The following CIITA variants were observed in gnomAD, a reference collection of about 807,000 sequenced individuals.
CIITA encodes the protein MHC class II transactivator.
Under a neutral mutation model 115.1 loss-of-function variants are expected in CIITA, and 72 were observed. That is an observed-to-expected ratio of 0.63 (90% confidence interval 0.52 to 0.76). CIITA has a LOEUF of 0.76. Among genes scored for constraint, CIITA ranks in the 30% least tolerant of loss-of-function variants. CIITA has a pLI of 0.00. For missense variants in CIITA, 1,617 were observed against 1,463.8 expected (o/e 1.10, Z -1.71); for synonymous variants, 763 against 635.6 (o/e 1.20, Z -3.02).
intron 1 of CIITA, among the ~76,000 whole-genome samples, chr16:10,887,537 C>T (rs190472214): frequency 5.7e-4 from 86 of 151,662 alleles, no homozygotes; most frequent in Middle Eastern, 3.4e-3. Flanking sequence ...GCTCTGTCAC[C>T]GAGGCTGGAG....
At chr16:10,874,063 C>A (rs1035841895), upstream of CIITA, among the ~76,000 whole-genome samples, 6 of 151,242 alleles carry the variant, frequency 4.0e-5, no homozygotes, top group African/African-American at 1.5e-4. Flanking sequence ...TCACTTGCAA[C>A]CTCCACCTCC....
At chr16:10,902,212 G>C in intron 7 of CIITA, 28 bp downstream of exon 7, 1 of 1,613,606 alleles carries the variant, frequency 6.2e-7, no homozygotes. Flanking sequence ...GAGAGAGTGG[G>C]CTTTCTCCCT....
Position 10,902,064 on chromosome 16 carries a change from A to G in CIITA, c.508A>G (p.Ser170Gly), listed in dbSNP as rs1252150200. The part of the protein sequence containing the change: ...PAEPPTVVTG[S>G]LLVGPVSDCS... ...TGAGCCCCCCACTGTGGTGACTGGC[A>G]GTCTCCTAGTGGGACCAGTGAGCGA... The change falls in exon 7 of 20, where the codon AGT (serine) becomes GGT (glycine). Residue 170 changes from serine (S) to glycine (G), a missense_variant. Ser to Gly is a moderately conservative substitution (Grantham distance 56). Coordinates refer to ENST00000324288, the MANE Select transcript of CIITA (RefSeq NM_000246.4). 7 of 1,614,024 alleles carry G rather than the reference A, an allele frequency of 4.3e-6. No homozygotes were observed. Among genetic ancestry groups the G allele is most frequent in the Non-Finnish European group, 8.5e-7 (1 of 1,180,036 alleles).
chr16:10,917,202 G>T (rs188161447), intron 15 of CIITA, among the ~76,000 whole-genome samples: 93 of 152,262 alleles, frequency 6.1e-4, no homozygotes, highest in African/African-American at 2.1e-3. Context: ...TTCAGACAAG[G>T]TCTCGCTCTG....
chr16:10,923,045 G>A lies in CIITA; in HGVS notation c.3318-183G>A. 4.8e-6 allele frequency: 3 copies of A among 628,332 alleles called. No homozygotes were observed. Among genetic ancestry groups the A allele is most frequent in the Non-Finnish European group, 8.6e-6 (3 of 350,624 alleles). 38.9% of individuals were successfully genotyped at this position (628,332 alleles called of 1,614,324 possible). On this transcript the variant is annotated intron_variant, in intron 18 of 19. Coordinates refer to ENST00000324288, the MANE Select transcript of CIITA (RefSeq NM_000246.4). This position sits in a 1 kb window ranked among gnomAD's most constrained non-coding sequence, Gnocchi z 5.2. Reference sequence around the variant, plus strand: ...AGCAAGTCAGCTGCAGAACCATAAAGGAATCTCGGGCCTCCTAGGCTTCTC... The same window carrying A: ...AGCAAGTCAGCTGCAGAACCATAAAAGAATCTCGGGCCTCCTAGGCTTCTC...
At chr16:10,902,967 C>A (rs1252848609) in intron 8 of CIITA, among the ~76,000 whole-genome samples, 166 bp downstream of exon 8, 1 of 152,232 alleles carries the variant, frequency 6.6e-6, no homozygotes, top group Admixed American at 6.5e-5. Flanking sequence ...AAAATCAAAG[C>A]AGAAGAGCAG....
chr16:10,901,641 C>A lies in CIITA; in HGVS notation c.481+83C>A. 1 of 1,416,770 alleles carries A rather than the reference C, an allele frequency of 7.1e-7. No homozygotes were observed. The highest frequency in any genetic ancestry group is 9.8e-7 in the Non-Finnish European group (1 of 1,018,032). 87.8% of individuals were successfully genotyped at this position (1,416,770 alleles called of 1,614,324 possible). A position where few individuals can be genotyped will look rare whatever the true frequency, so the allele number is the denominator to read the frequency against. ...AAGAGATTGAACTCCTGGCCCAAGT[C>A]TGATGGGGATGGTGCATGGTGCAGC... On this transcript the variant is annotated intron_variant, in intron 6 of 19. Coordinates refer to ENST00000324288, the MANE Select transcript of CIITA (RefSeq NM_000246.4). This position sits in a 1 kb window ranked among gnomAD's most constrained non-coding sequence, Gnocchi z 6.8.
intron 1 of CIITA, among the ~76,000 whole-genome samples, chr16:10,891,542 T>C (rs2144104287): frequency 6.6e-6 from 1 of 152,290 alleles, no homozygotes; most frequent in African/African-American, 2.4e-5. Flanking sequence ...CACAACTCAT[T>C]CACGGAGTTG....
chr16:10,880,318 G>C (rs2036292860), intron 1 of CIITA, among the ~76,000 whole-genome samples: 1 of 152,162 alleles, frequency 6.6e-6, no homozygotes, highest in Non-Finnish European at 1.5e-5. Context: ...GTGAGGCTGA[G>C]ATCCTGCAGG....
Position 10,907,259 on chromosome 16 carries a change from G to A in CIITA, c.1767G>A (p.Glu589=), listed in dbSNP as rs2039234007. Residue 589 remains glutamate, a synonymous_variant, in exon 11 of 20, where the codon GAG becomes GAA. Coordinates refer to ENST00000324288, the MANE Select transcript of CIITA (RefSeq NM_000246.4). This position sits in a 1 kb window ranked among gnomAD's most constrained non-coding sequence, Gnocchi z 5.0. The part of the protein sequence containing the change: ...MRYFESSGMT[E]HQDRALTLLR... ...ACTTTGAGAGCTCAGGGATGACAGA[G>A]CACCAAGACAGAGCCCTGACGCTCC... 6.2e-7 allele frequency: 1 copy of A among 1,613,428 alleles called. No individual in the cohort carries two copies. Among genetic ancestry groups the A allele is most frequent in the Non-Finnish European group, 8.5e-7 (1 of 1,180,022 alleles).
rs1411797810 is a variant in CIITA, at chr16:10,901,685, A to C, written c.481+127A>C. 1 of 1,039,968 alleles carries C rather than the reference A, an allele frequency of 9.6e-7. No homozygotes were observed. The highest frequency in any genetic ancestry group is 1.6e-5 in the African/African-American group (1 of 63,068). 64.4% of individuals were successfully genotyped at this position (1,039,968 alleles called of 1,614,324 possible). A position where few individuals can be genotyped will look rare whatever the true frequency, so the allele number is the denominator to read the frequency against. On this transcript the variant is annotated intron_variant, in intron 6 of 19. Transcript: ENST00000324288. The surrounding 1 kb of genome is among the most constrained non-coding windows in gnomAD (Gnocchi z 6.8). ...GTGCAGCCCCTGCCCTTCTTTGGGT[A>C]GAGGCTGAGAGCTTGGGGTCCCTTA... is the stretch of plus-strand genomic sequence containing the variant.
chr16:10,910,350 TC>T, intron 13 of CIITA, 91 bp downstream of exon 13: 1 of 1,092,476 alleles, frequency 9.2e-7, no homozygotes, highest in Non-Finnish European at 1.4e-6. Flanking sequence ...GAGATAGATC[TC>T]CAGAATCATT....
chr16:10,881,135 C>T (rs1411783026), intron 1 of CIITA, among the ~76,000 whole-genome samples: 5 of 151,830 alleles, frequency 3.3e-5, no homozygotes, highest in Non-Finnish European at 7.4e-5. Context: ...GTGTTTTAGC[C>T]GGGCATGGTG....
intron 10 of CIITA, among the ~76,000 whole-genome samples, chr16:10,905,928 T>A (rs899350809): frequency 1.3e-5 from 2 of 151,962 alleles, no homozygotes; most frequent in African/African-American, 4.8e-5. Context: ...GGCTCACACC[T>A]GTAATCCCAG....
At chr16:10,893,679 G>A (rs1377797561) in intron 1 of CIITA, among the ~76,000 whole-genome samples, 1 of 151,526 alleles carries the variant, frequency 6.6e-6, no homozygotes, top group Non-Finnish European at 1.5e-5. Context: ...TGTGGTGGTG[G>A]GTGCCTGTAA....
intron 13 of CIITA, chr16:10,915,185 A>G: frequency 5.1e-6 from 2 of 391,618 alleles, no homozygotes; most frequent in Non-Finnish European, 1.0e-5. Context: ...TAAGAAGCTG[A>G]GACCACAGGA....
intron 1 of CIITA, among the ~76,000 whole-genome samples, chr16:10,890,134 T>A (rs2037405207): frequency 6.6e-6 from 1 of 151,992 alleles, no homozygotes; most frequent in African/African-American, 2.4e-5. Flanking sequence ...AAATGTGTAT[T>A]GGGGGCTTCT....
At chr16:10,895,504 A>G in intron 2 of CIITA, 76 bp downstream of exon 2, 11 of 1,601,586 alleles carry the variant, frequency 6.9e-6, no homozygotes, top group Non-Finnish European at 9.4e-6. Flanking sequence ...ATCAGGGGAA[A>G]TTCTGGTCCC....
intron 1 of CIITA, among the ~76,000 whole-genome samples, chr16:10,889,789 G>A (rs2037361788): frequency 6.6e-6 from 1 of 152,194 alleles, no homozygotes; most frequent in South Asian, 2.1e-4. Context: ...ACAGTGGTGG[G>A]CTGCAAGGCA....
Sources: allele counts gnomAD v4.1 joint callset (sites outside exome capture counted in the v4.1 genomes callset), GRCh38; gene constraint gnomAD v4.1.1; non-coding constraint Gnocchi (gnomAD v3.1); transcripts MANE v1.5; gene names NCBI Gene and HGNC (gene_info 2026-07-23, HGNC 2026-07-21).